TWSG1: variants seen among roughly 807,000 people sequenced by gnomAD.
TWSG1 encodes the protein twisted gastrulation BMP signaling modulator 1, also known as twisted gastrulation protein homolog 1.
A neutral mutation model predicts 23.0 loss-of-function variants in TWSG1; 15 were observed. The ratio of observed to expected loss-of-function variants is 0.65; its 90% CI spans 0.44 to 1.00. TWSG1 has a LOEUF of 1.00. TWSG1 is among the 50% of genes least tolerant of loss of function. TWSG1 has a pLI of 0.00. For missense variants in TWSG1, 242 were observed against 278.7 expected, an observed-to-expected ratio of 0.87 and a Z score of 0.94; for synonymous variants, 86 against 92.8, an observed-to-expected ratio of 0.93 and a Z score of 0.42.
chr18:9,364,393 C>T (rs146270834), intron 3 of TWSG1, among the ~76,000 whole-genome samples: 82 of 152,284 alleles, frequency 5.4e-4, no homozygotes, highest in Middle Eastern at 3.4e-3. Flanking sequence ...CCATGAGTTC[C>T]GACGGTGAAA....
intron 3 of TWSG1, among the ~76,000 whole-genome samples, chr18:9,391,854 CT>C (rs756828865): frequency 6.6e-6 from 1 of 152,220 alleles, no homozygotes; most frequent in Non-Finnish European, 1.5e-5. Context: ...CCTTGTACGT[CT>C]TCATCAGAGC....
At chr18:9,384,869 C>T (rs2145627714) in intron 3 of TWSG1, among the ~76,000 whole-genome samples, 1 of 152,324 alleles carries the variant, frequency 6.6e-6, no homozygotes, top group East Asian at 1.9e-4. Context: ...TGGTCTTGAA[C>T]TCCTGATCTC....
chr18:9,349,123 G>A (rs2040490225), intron 2 of TWSG1, among the ~76,000 whole-genome samples: 3 of 152,022 alleles, frequency 2.0e-5, no homozygotes, highest in Admixed American at 2.0e-4. Flanking sequence ...TATAATGAGG[G>A]GTTTAGTTAT....
At chr18:9,395,030 G>A (rs2040728509) in intron 3 of TWSG1, among the ~76,000 whole-genome samples, 1 of 152,152 alleles carries the variant, frequency 6.6e-6, no homozygotes, top group African/African-American at 2.4e-5. Context: ...CTGGCCCAGT[G>A]TCCTATCCAC....
chr18:9,343,187 G>A (rs365200), intron 2 of TWSG1, among the ~76,000 whole-genome samples: 1 of 114,498 alleles, frequency 8.7e-6, no homozygotes, highest in Admixed American at 9.7e-5. Context: ...CAAAGACTAG[G>A]AAATGCCCTG....
chr18:9,350,678 T>G (rs1325088557), intron 2 of TWSG1, among the ~76,000 whole-genome samples: 1 of 152,208 alleles, frequency 6.6e-6, no homozygotes, highest in African/African-American at 2.4e-5. Context: ...GCTGACTTAT[T>G]TAGCCAAAAA....
Position 9,396,500 on chromosome 18 carries a change from G to A in TWSG1, c.444G>A (p.Val148=). The A allele has an allele frequency of 6.2e-7, 1 of 1,613,960 alleles. No homozygotes were observed. The highest frequency in any genetic ancestry group is 1.7e-5 in the Admixed American group (1 of 60,032). The change falls in exon 4 of 5, where the codon GTG becomes GTA. Residue 148 remains valine, a synonymous_variant. Transcript: ENST00000262120. ...ETVNQPHHQN[V]SVPSNNVHAP... ...TGAACCAGCCACACCACCAGAATGT[G>A]TCTGTCCCCAGCAATAATGTTCACG...
intron 3 of TWSG1, among the ~76,000 whole-genome samples, chr18:9,376,091 A>G (rs1568037110): frequency 6.6e-6 from 1 of 151,870 alleles, no homozygotes; most frequent in Non-Finnish European, 1.5e-5. Flanking sequence ...ATTTTTTTGT[A>G]TTTTTATTAG....
chr18:9,381,960 T>C (rs2040658436), intron 3 of TWSG1, among the ~76,000 whole-genome samples: 1 of 152,212 alleles, frequency 6.6e-6, no homozygotes, highest in Non-Finnish European at 1.5e-5. Flanking sequence ...ATAGTTGTAC[T>C]TAAAACTCTA....
chr18:9,336,447 A>T (rs1011628764), intron 1 of TWSG1, among the ~76,000 whole-genome samples: 1 of 151,800 alleles, frequency 6.6e-6, no homozygotes, highest in Non-Finnish European at 1.5e-5. Flanking sequence ...TAGAGTTTTT[A>T]ATGCAATTAG....
At position 9,396,178 on chromosome 18, in the gene TWSG1, A is replaced by G. The variant is rs934684693; in HGVS notation, c.224-102A>G. The G allele has an allele frequency of 1.4e-5, 13 of 948,420 alleles. No individual in the cohort carries two copies. The African/African-American group carries it at 2.2e-4, about 16-fold the overall frequency. 58.8% of individuals were successfully genotyped at this position (948,420 alleles called of 1,614,324 possible). On this transcript the variant is annotated intron_variant, in intron 3 of 4. Coordinates refer to ENST00000262120, the MANE Select transcript of TWSG1 (RefSeq NM_020648.6). ...AAAAAAAAAAAAAAAAAGGTAGGAA[A>G]ATATCCATGTGTAATCCTAGAAGTT...
At chr18:9,339,784 C>A (rs1050517596) in intron 2 of TWSG1, among the ~76,000 whole-genome samples, 1 of 151,118 alleles carries the variant, frequency 6.6e-6, no homozygotes, top group African/African-American at 2.4e-5. Flanking sequence ...ACCTGGGCGA[C>A]AGAGCAAGAC....
rs140736771 is a variant in TWSG1, at chr18:9,396,370, G to A, written c.314G>A (p.Arg105Gln). ...ELHEPIPSLF[R>Q]ALTEGDTQLN... Reference sequence around the variant, plus strand: ...CATGAACCGATCCCTTCTCTCTTCCGGGCACTCACAGAAGGAGATACTCAG... The same window carrying A: ...CATGAACCGATCCCTTCTCTCTTCCAGGCACTCACAGAAGGAGATACTCAG... Residue 105 changes from arginine to glutamine, a missense_variant, in exon 4 of 5, where the codon CGG becomes CAG. By Grantham distance (43) the Arg-to-Gln change is conservative. Transcript: ENST00000262120. 53 of 1,613,940 alleles carry A rather than the reference G, an allele frequency of 3.3e-5. No individual in the cohort carries two copies. The highest frequency in any genetic ancestry group is 4.1e-5 in the Non-Finnish European group (48 of 1,180,022).
At chr18:9,352,291 T>G (rs1191314720) in intron 2 of TWSG1, among the ~76,000 whole-genome samples, 1 of 152,210 alleles carries the variant, frequency 6.6e-6, no homozygotes, top group Non-Finnish European at 1.5e-5. Flanking sequence ...TGAGTAGGAT[T>G]CCTTTGTGTG....
At chr18:9,335,718 C>T (rs1296811296) in intron 1 of TWSG1, among the ~76,000 whole-genome samples, 1 of 152,158 alleles carries the variant, frequency 6.6e-6, no homozygotes, top group Non-Finnish European at 1.5e-5. Flanking sequence ...GCTTTGTGAG[C>T]CTCAGTAACG....
chr18:9,342,917 A>G (rs2040452386), intron 2 of TWSG1, among the ~76,000 whole-genome samples: 1 of 152,206 alleles, frequency 6.6e-6, no homozygotes, highest in Non-Finnish European at 1.5e-5. Context: ...GCCTGAATAC[A>G]GAATTCTATG....
rs569999284 is a variant in TWSG1, at chr18:9,355,293, T to C, written c.124-4679T>C. Reference sequence around the variant, plus strand: ...TTTAAGTGTTCTGAAGAACAGATTCTGCTTGATTTAAATGGGGCAGTTTTT... The same window carrying C: ...TTTAAGTGTTCTGAAGAACAGATTCCGCTTGATTTAAATGGGGCAGTTTTT... On this transcript the variant is annotated intron_variant, in intron 2 of 4. Transcript: ENST00000262120. 6.6e-5 allele frequency among the ~76,000 whole-genome samples: 10 copies of C among 152,332 alleles called. 1 individual carries two copies. In the East Asian group the frequency reaches 1.7e-3, roughly 26 times the overall value.
intron 3 of TWSG1, among the ~76,000 whole-genome samples, chr18:9,394,764 A>G (rs1373391055): frequency 2.0e-5 from 3 of 152,032 alleles, no homozygotes; most frequent in Non-Finnish European, 4.4e-5. Flanking sequence ...ACACACACAC[A>G]TGCATGCATG....
At chr18:9,368,347 C>T (rs1598828119) in intron 3 of TWSG1, among the ~76,000 whole-genome samples, 1 of 152,084 alleles carries the variant, frequency 6.6e-6, no homozygotes, top group Non-Finnish European at 1.5e-5. Context: ...ATTACAGGTG[C>T]CTGCCACCAT....
Sources: gnomAD v4.1 joint callset for allele counts (sites outside exome capture counted in the v4.1 genomes callset) on GRCh38, gnomAD v4.1.1 for gene constraint, MANE v1.5 for transcripts, NCBI Gene and HGNC (gene_info 2026-07-23, HGNC 2026-07-21) for gene names.